Variants in QTMAN observed in about 807,000 individuals in gnomAD.
QTMAN encodes tRNA-queuosine alpha-mannosyltransferase.
the QTMAN span, among the ~76,000 whole-genome samples, chr2:143,969,132 G>A: frequency 6.6e-6 from 1 of 152,244 alleles, no homozygotes; most frequent in South Asian, 2.1e-4. Flanking sequence ...TCATCATTGA[G>A]GTTTTTCTCT....
chr2:144,183,376 G>GT, the QTMAN span, among the ~76,000 whole-genome samples: 2 of 151,692 alleles, frequency 1.3e-5, no homozygotes, highest in Non-Finnish European at 2.9e-5. Flanking sequence ...TCTGGTACAT[G>GT]TTTTTTTTCC....
At chr2:144,227,005 A>ATAGT in the QTMAN span, among the ~76,000 whole-genome samples, 2 of 152,146 alleles carry the variant, frequency 1.3e-5, no homozygotes, top group Admixed American at 1.3e-4. Context: ...ATGAAATTCT[A>ATAGT]TAGTACATAA....
chr2:144,010,779 G>C, the QTMAN span, among the ~76,000 whole-genome samples: 1 of 152,124 alleles, frequency 6.6e-6, no homozygotes, highest in African/African-American at 2.4e-5. Flanking sequence ...GCCTGGTTAA[G>C]TGACAAACAG....
the QTMAN span, among the ~76,000 whole-genome samples, chr2:144,169,266 T>C: frequency 2.1e-4 from 32 of 152,292 alleles, no homozygotes; most frequent in Middle Eastern, 3.4e-3. Flanking sequence ...TTGAGAGGCA[T>C]AGTCTTAGAA....
the QTMAN span, among the ~76,000 whole-genome samples, chr2:144,174,253 T>C: frequency 6.6e-6 from 1 of 152,062 alleles, no homozygotes; most frequent in Admixed American, 6.6e-5. Flanking sequence ...CTTACCTCCA[T>C]CTCCGCAAAT....
the QTMAN span, among the ~76,000 whole-genome samples, chr2:144,110,430 T>G: frequency 6.6e-6 from 1 of 152,048 alleles, no homozygotes; most frequent in Non-Finnish European, 1.5e-5. Context: ...TTAGGAGATA[T>G]ACCTAATGTA....
chr2:143,988,439 C>A, the QTMAN span, among the ~76,000 whole-genome samples: 1 of 152,176 alleles, frequency 6.6e-6, no homozygotes, highest in Non-Finnish European at 1.5e-5. Context: ...TTCCTTGATG[C>A]TCCTAAGCAT....
At chr2:143,987,332 C>A in the QTMAN span, among the ~76,000 whole-genome samples, 2 of 152,216 alleles carry the variant, frequency 1.3e-5, no homozygotes, top group East Asian at 3.9e-4. Flanking sequence ...CCATTTCTAG[C>A]TGAGTCTTTC....
At chr2:144,145,590 T>C in the QTMAN span, 4 of 1,609,406 alleles carry the variant, frequency 2.5e-6, no homozygotes, top group Non-Finnish European at 3.4e-6. Flanking sequence ...AATTTGGTTG[T>C]ATCCATATTG....
chr2:144,280,476 G>GC, the QTMAN span, among the ~76,000 whole-genome samples: 2 of 152,034 alleles, frequency 1.3e-5, no homozygotes, highest in African/African-American at 4.8e-5. Context: ...GATTTTGGGG[G>GC]TTTTTTTGTT....
the QTMAN span, among the ~76,000 whole-genome samples, chr2:144,256,295 T>A: frequency 6.6e-6 from 1 of 152,224 alleles, no homozygotes; most frequent in South Asian, 2.1e-4. Context: ...GTCACTTCAC[T>A]TTTACAATGA....
chr2:144,149,951 G>A, the QTMAN span, among the ~76,000 whole-genome samples: 2 of 151,926 alleles, frequency 1.3e-5, no homozygotes, highest in Non-Finnish European at 2.9e-5. Context: ...ATCTTAAATG[G>A]TACAGAAGGG....
At chr2:144,208,953 A>C in the QTMAN span, 841 of 498,236 alleles carry the variant, frequency 1.7e-3, 2 homozygotes, top group Non-Finnish European at 1.5e-3. Context: ...TTATTTAAAT[A>C]AGTATATAAC....
chr2:144,260,016 AG>A, the QTMAN span, among the ~76,000 whole-genome samples: 1 of 152,230 alleles, frequency 6.6e-6, no homozygotes, highest in Non-Finnish European at 1.5e-5. Context: ...TGGAGGTGGG[AG>A]AAAGAAAGTC....
the QTMAN span, among the ~76,000 whole-genome samples, chr2:143,982,756 G>A: frequency 6.6e-6 from 1 of 150,548 alleles, no homozygotes; most frequent in South Asian, 2.1e-4. Flanking sequence ...AGCTACTCAG[G>A]AGGCTGACAC....
the QTMAN span, among the ~76,000 whole-genome samples, chr2:144,125,733 C>T: frequency 4.6e-5 from 7 of 151,890 alleles, no homozygotes; most frequent in Non-Finnish European, 7.4e-5. Flanking sequence ...TCATGAAAAA[C>T]CATAAAACTA....
At chr2:144,179,639 T>G in the QTMAN span, among the ~76,000 whole-genome samples, 1 of 152,078 alleles carries the variant, frequency 6.6e-6, no homozygotes, top group Non-Finnish European at 1.5e-5. Flanking sequence ...CGGGCTCACC[T>G]CAAAGGTGAA....
chr2:144,092,488 T>A, the QTMAN span, among the ~76,000 whole-genome samples: 3 of 152,200 alleles, frequency 2.0e-5, no homozygotes, highest in African/African-American at 7.2e-5. Context: ...ACTGTACATC[T>A]TATATGTAGT....
At chr2:144,269,878 T>C in the QTMAN span, among the ~76,000 whole-genome samples, 1 of 151,638 alleles carries the variant, frequency 6.6e-6, no homozygotes, top group East Asian at 1.9e-4. Flanking sequence ...GTTATAATCA[T>C]AAAATATAAC....
Sources: allele counts gnomAD v4.1 joint callset (sites outside exome capture counted in the v4.1 genomes callset), GRCh38; gene constraint gnomAD v4.1.1; transcripts MANE v1.5; gene names NCBI Gene and HGNC (gene_info 2026-07-23, HGNC 2026-07-21).